Variants in CNGA1 observed in about 807,000 individuals in gnomAD.
The protein encoded by CNGA1 is cyclic nucleotide gated channel subunit alpha 1.
In CNGA1, 53 loss-of-function variants were observed where a neutral mutation model predicts 69.7. The observed-to-expected ratio is 0.76, with a 90% CI of 0.61 to 0.96. The LOEUF is 0.96. CNGA1 is among the 40% of genes least tolerant of loss of function. CNGA1 has a pLI of 0.00. For synonymous variants in CNGA1, 249 were observed against 283.5 expected (o/e 0.88, Z 1.22); for missense variants, 739 against 811.2 (o/e 0.91, Z 1.08).
intron 1 of CNGA1, among the ~76,000 whole-genome samples, chr4:48,012,640 C>G (rs1199998160): frequency 8.0e-6 from 1 of 124,456 alleles, no homozygotes; most frequent in African/African-American, 3.1e-5. Flanking sequence ...TGGAACTTTC[C>G]TTTGGATTTG....
At chr4:47,989,020 G>A (rs2110230759) in intron 2 of CNGA1, among the ~76,000 whole-genome samples, 1 of 152,262 alleles carries the variant, frequency 6.6e-6, no homozygotes, top group East Asian at 1.9e-4. Context: ...CACTGGGCAA[G>A]GGAGTGTTCA....
intron 3 of CNGA1, among the ~76,000 whole-genome samples, chr4:47,958,709 C>T (rs1480922743): frequency 6.6e-6 from 1 of 152,074 alleles, no homozygotes; most frequent in Admixed American, 6.6e-5. Context: ...GTGCGTCTAC[C>T]TCTCTACACA....
chr4:47,969,221 C>T (rs1445864702), intron 3 of CNGA1, among the ~76,000 whole-genome samples: 1 of 152,028 alleles, frequency 6.6e-6, no homozygotes, highest in African/African-American at 2.4e-5. Flanking sequence ...TCAGATCCCA[C>T]TTCCATCTCC....
intron 3 of CNGA1, among the ~76,000 whole-genome samples, chr4:47,956,393 C>T (rs944671694): frequency 6.6e-6 from 1 of 152,176 alleles, no homozygotes; most frequent in African/African-American, 2.4e-5. Context: ...TAAGGAAGTG[C>T]GTTCTTGAAT....
intron 3 of CNGA1, among the ~76,000 whole-genome samples, chr4:47,978,851 G>A (rs535316299): frequency 6.6e-6 from 1 of 151,366 alleles, no homozygotes; most frequent in Admixed American, 6.6e-5. Context: ...AAAATTTTCT[G>A]TTTTATCAAG....
rs891005105 is a variant in CNGA1, at chr4:47,987,572, C to G, written c.-122-6072G>C. Among the ~76,000 whole-genome samples, 8 of 152,248 alleles carry G rather than the reference C, an allele frequency of 5.3e-5. No individual in the cohort carries two copies. The South Asian group carries it at 1.7e-3, about 32-fold the overall frequency. On this transcript the variant is annotated intron_variant, in intron 2 of 10. Transcript: ENST00000514170. ...AAATATGTAAATATTAAATGACAGG[C>G]TCTCTTCTAAGCATTGCAGAGTCAA... is the stretch of plus-strand genomic sequence containing the variant.
chr4:47,981,710 A>G (rs141920903), intron 2 of CNGA1, among the ~76,000 whole-genome samples: 25 of 152,288 alleles, frequency 1.6e-4, no homozygotes, highest in African/African-American at 6.0e-4. Flanking sequence ...TGAGCCTATT[A>G]ATATGAATGA....
At chr4:47,989,476 G>A (rs547503893) in intron 2 of CNGA1, among the ~76,000 whole-genome samples, 10 of 151,752 alleles carry the variant, frequency 6.6e-5, no homozygotes, top group African/African-American at 1.5e-4. Context: ...ATCATTCTAC[G>A]GTAACTGAAA....
At chr4:48,007,903 T>A (rs1451449506) in intron 2 of CNGA1, among the ~76,000 whole-genome samples, 1 of 152,124 alleles carries the variant, frequency 6.6e-6, no homozygotes, top group East Asian at 1.9e-4. Context: ...AACAAAAACT[T>A]ATATGAGTTG....
intron 2 of CNGA1, among the ~76,000 whole-genome samples, chr4:47,984,683 C>T (rs1365502477): frequency 7.3e-6 from 1 of 137,204 alleles, no homozygotes; most frequent in Admixed American, 7.3e-5. Context: ...CACACACACA[C>T]ACACACACAC....
intron 1 of CNGA1, among the ~76,000 whole-genome samples, chr4:48,014,955 G>A (rs1049769078): frequency 5.3e-5 from 8 of 152,168 alleles, no homozygotes; most frequent in South Asian, 2.1e-4. Context: ...GGCGGATCAC[G>A]AGGTCAGGAG....
At chr4:47,958,658 C>T (rs1027991382) in intron 3 of CNGA1, among the ~76,000 whole-genome samples, 8 of 151,888 alleles carry the variant, frequency 5.3e-5, no homozygotes, top group Admixed American at 2.6e-4. Context: ...ATTACTTGGG[C>T]ACAGAATCCA....
intron 3 of CNGA1, among the ~76,000 whole-genome samples, chr4:47,969,332 C>T (rs1740889302): frequency 6.6e-6 from 1 of 151,804 alleles, no homozygotes; most frequent in African/African-American, 2.4e-5. Flanking sequence ...AATCACTAGC[C>T]AGAACCCCAC....
At chr4:47,953,136 C>G (rs1420446939) in intron 3 of CNGA1, among the ~76,000 whole-genome samples, 1 of 152,116 alleles carries the variant, frequency 6.6e-6, no homozygotes, top group African/African-American at 2.4e-5. Flanking sequence ...CACAGCCAAA[C>G]CATATCAACC....
intron 2 of CNGA1, among the ~76,000 whole-genome samples, chr4:47,988,513 A>C (rs1314173752): frequency 6.6e-6 from 1 of 152,020 alleles, no homozygotes; most frequent in Non-Finnish European, 1.5e-5. Context: ...CTCCACCTTA[A>C]ATGGGTTGAG....
rs867834565 is a variant in CNGA1, at chr4:47,976,314, C to T, written c.-15+5079G>A. ...ATATATACACATACATATATATATA[C>T]ATATATATGTATATATATATATACA... On this transcript the variant is annotated intron_variant, in intron 3 of 10. Transcript: ENST00000514170. Among the ~76,000 whole-genome samples the T allele has an allele frequency of 1.4e-4, 4 of 29,238 alleles. No individual in the cohort carries two copies. In the Admixed American group the frequency reaches 1.4e-3, roughly 10 times the overall value. The allele number at this position is 29,238 out of a possible 152,430, so 19.2% of individuals were successfully genotyped here. A position where few individuals can be genotyped will look rare whatever the true frequency, so the allele number is the denominator to read the frequency against.
intron 6 of CNGA1, among the ~76,000 whole-genome samples, chr4:47,947,478 C>T (rs553250660): frequency 6.6e-6 from 1 of 152,136 alleles, no homozygotes; most frequent in South Asian, 2.1e-4. Context: ...GAGTTAGAGA[C>T]CAGCCTGGCC....
intron 2 of CNGA1, among the ~76,000 whole-genome samples, chr4:48,008,373 T>C (rs1381363707): frequency 2.6e-5 from 4 of 152,184 alleles, no homozygotes; most frequent in Non-Finnish European, 4.4e-5. Flanking sequence ...AATATACCTC[T>C]TTATTTCTAT....
intron 2 of CNGA1, among the ~76,000 whole-genome samples, chr4:48,005,979 G>C (rs904497656): frequency 2.0e-5 from 3 of 152,198 alleles, no homozygotes; most frequent in Non-Finnish European, 4.4e-5. Flanking sequence ...ATTCATAGGA[G>C]TATACTTACT....
Sources: gnomAD v4.1 joint callset for allele counts (sites outside exome capture counted in the v4.1 genomes callset) on GRCh38, gnomAD v4.1.1 for gene constraint, MANE v1.5 for transcripts, NCBI Gene and HGNC (gene_info 2026-07-23, HGNC 2026-07-21) for gene names.